PLXNA4: variants seen among roughly 807,000 people sequenced by gnomAD.
PLXNA4 encodes plexin-A4.
A neutral mutation model predicts 191.8 loss-of-function variants in PLXNA4; 44 were observed. The ratio of observed to expected loss-of-function variants is 0.23; its 90% CI spans 0.18 to 0.29. The LOEUF (loss-of-function observed/expected upper bound fraction) is 0.29, where lower values mean the gene tolerates loss of function less well. PLXNA4 is among the 10% of genes least tolerant of loss of function. The pLI is 1.00. For missense variants in PLXNA4, 1,800 were observed against 2,488.8 expected, an observed-to-expected ratio of 0.72 and a Z score of 5.89; for synonymous variants, 1,082 against 1,009.5, an observed-to-expected ratio of 1.07 and a Z score of -1.36.
chr7:132,577,473 C>T (rs935520987), upstream of PLXNA4, among the ~76,000 whole-genome samples: 1 of 151,524 alleles, frequency 6.6e-6, no homozygotes, highest in East Asian at 2.0e-4. Flanking sequence ...CTCTGGCTCG[C>T]TCTCGCTGGC....
intron 3 of PLXNA4, among the ~76,000 whole-genome samples, chr7:132,336,685 C>T (rs964080721): frequency 7.9e-5 from 12 of 152,170 alleles, no homozygotes; most frequent in African/African-American, 7.2e-5. Flanking sequence ...GACAAGGGAG[C>T]GAATCACTAG....
intron 3 of PLXNA4, among the ~76,000 whole-genome samples, chr7:132,343,525 T>C (rs1803121011): frequency 6.6e-6 from 1 of 152,230 alleles, no homozygotes; most frequent in Non-Finnish European, 1.5e-5. Flanking sequence ...GAAATTTGTG[T>C]CCTTTGAAAA....
intron 3 of PLXNA4, among the ~76,000 whole-genome samples, chr7:132,393,038 A>T (rs968504991): frequency 2.0e-5 from 3 of 151,966 alleles, no homozygotes; most frequent in African/African-American, 7.3e-5. Flanking sequence ...GCCCCAGCCA[A>T]ATAAAACTAT....
chr7:132,291,630 A>T (rs73157261), intron 4 of PLXNA4, among the ~76,000 whole-genome samples: 4,008 of 152,282 alleles, frequency 0.026, 72 homozygotes, highest in Middle Eastern at 0.044. Context: ...GTGTACACAC[A>T]CACACACTCC....
intron 12 of PLXNA4, among the ~76,000 whole-genome samples, chr7:132,200,704 A>C (rs993100798): frequency 6.6e-6 from 1 of 152,210 alleles, no homozygotes; most frequent in Non-Finnish European, 1.5e-5. Context: ...AAAGCCAAGA[A>C]TCTTCTTGCT....
chr7:132,455,362 G>A (rs1796275094), intron 3 of PLXNA4, among the ~76,000 whole-genome samples: 1 of 152,090 alleles, frequency 6.6e-6, no homozygotes, highest in South Asian at 2.1e-4. Flanking sequence ...CAGAGAGGAA[G>A]GTATCAGGTG....
intron 3 of PLXNA4, among the ~76,000 whole-genome samples, chr7:132,433,353 C>T (rs1322434474): frequency 6.6e-6 from 1 of 152,122 alleles, no homozygotes; most frequent in Non-Finnish European, 1.5e-5. Context: ...AGCCTTCTAC[C>T]CTACATACCC....
intron 3 of PLXNA4, among the ~76,000 whole-genome samples, chr7:132,422,388 G>T (rs1177118296): frequency 6.6e-6 from 1 of 152,170 alleles, no homozygotes; most frequent in Non-Finnish European, 1.5e-5. Context: ...CCATGTATGT[G>T]CACACACAGA....
chr7:132,615,927 A>ATCTCTCCCTCTCTCTCTCTCTCTC (rs1803145143), intron 2 of PLXNA4, among the ~76,000 whole-genome samples: 1 of 83,674 alleles, frequency 1.2e-5, no homozygotes, highest in Non-Finnish European at 2.6e-5. Context: ...CAGATAAAGG[A>ATCTCTCCCTCTCTCTCTCTCTCTC]TCTCTCTCTC....
At chr7:132,472,714 C>T (rs906664618) in intron 3 of PLXNA4, among the ~76,000 whole-genome samples, 4 of 152,200 alleles carry the variant, frequency 2.6e-5, no homozygotes, top group East Asian at 1.9e-4. Flanking sequence ...GGGAAGTGGA[C>T]GTCACTGCTA....
At chr7:132,473,029 G>A (rs753022839) in intron 3 of PLXNA4, among the ~76,000 whole-genome samples, 28 of 152,220 alleles carry the variant, frequency 1.8e-4, no homozygotes, top group East Asian at 3.8e-4. Flanking sequence ...AGGATGTTAC[G>A]TGGCAGAGTA....
chr7:132,154,987 A>C (rs1049881431), intron 25 of PLXNA4, among the ~76,000 whole-genome samples: 1 of 152,242 alleles, frequency 6.6e-6, no homozygotes, highest in African/African-American at 2.4e-5. Flanking sequence ...GGAAAATGCA[A>C]ACTGGGGAGA....
chr7:132,386,931 T>C (rs1805174107), intron 3 of PLXNA4, among the ~76,000 whole-genome samples: 1 of 152,246 alleles, frequency 6.6e-6, no homozygotes, highest in South Asian at 2.1e-4. Context: ...TCCCATCTAC[T>C]GTAGATGGAT....
intron 4 of PLXNA4, among the ~76,000 whole-genome samples, chr7:132,282,615 A>G (rs1409246690): frequency 2.4e-4 from 2 of 8,236 alleles, no homozygotes; most frequent in African/African-American, 3.7e-3. Context: ...TCTCAGAAAA[A>G]AAAAAAAAAA....
intron 4 of PLXNA4, among the ~76,000 whole-genome samples, chr7:132,246,869 A>G (rs1799077730): frequency 6.6e-6 from 1 of 152,256 alleles, no homozygotes; most frequent in Non-Finnish European, 1.5e-5. Flanking sequence ...ACAAATTTAC[A>G]AAACAATGGC....
chr7:132,306,296 G>A lies in PLXNA4; in HGVS notation c.1372-8074C>T, dbSNP rs866973992. 2.6e-5 allele frequency among the ~76,000 whole-genome samples: 4 copies of A among 152,298 alleles called. No individual in the cohort carries two copies. In the Middle Eastern group the frequency reaches 0.01, roughly 389 times the overall value. On this transcript the variant is annotated intron_variant, in intron 3 of 31. Coordinates refer to ENST00000321063, the MANE Select transcript of PLXNA4 (RefSeq NM_020911.2). ...TTCATTGGGGCAGGCAGGGATAGGT[G>A]AGGAGCCGAAGGAGGGAAGTAAGGG...
intron 1 of PLXNA4, among the ~76,000 whole-genome samples, chr7:132,510,610 C>T (rs1025216779): frequency 2.0e-5 from 3 of 152,174 alleles, no homozygotes; most frequent in Non-Finnish European, 4.4e-5. Context: ...ACATGGCATA[C>T]AAGAGAGTGC....
At chr7:132,174,579 C>T (rs1415617626) in intron 21 of PLXNA4, among the ~76,000 whole-genome samples, 199 bp downstream of exon 21, 1 of 152,208 alleles carries the variant, frequency 6.6e-6, no homozygotes, top group Admixed American at 6.5e-5. Flanking sequence ...AAGCCCTACT[C>T]ACATCTCTGC....
At chr7:132,340,657 CCT>C (rs1339210210) in intron 3 of PLXNA4, among the ~76,000 whole-genome samples, 5 of 152,176 alleles carry the variant, frequency 3.3e-5, no homozygotes, top group African/African-American at 4.8e-5. Flanking sequence ...CAATAAAGAA[CCT>C]CTCTCTGCAG....
Sources: allele counts gnomAD v4.1 joint callset (sites outside exome capture counted in the v4.1 genomes callset), GRCh38; gene constraint gnomAD v4.1.1; transcripts MANE v1.5; gene names NCBI Gene and HGNC (gene_info 2026-07-23, HGNC 2026-07-21).